GARNL3: variants seen among roughly 807,000 people sequenced by gnomAD.
The protein encoded by GARNL3 is GTPase activating Rap/RanGAP domain like 3, also known as GTPase-activating Rap/Ran-GAP domain-like protein 3.
In GARNL3, 63 loss-of-function variants were observed where a neutral mutation model predicts 125.0. The ratio of observed to expected loss-of-function variants is 0.50; its 90% confidence interval spans 0.41 to 0.62. The LOEUF (loss-of-function observed/expected upper bound fraction) is 0.62. GARNL3 is among the 20% of genes least tolerant of loss of function. GARNL3 has a pLI of 0.00. For synonymous variants in GARNL3, 439 were observed against 457.5 expected (o/e 0.96, Z 0.52); for missense variants, 994 against 1,244.0 (o/e 0.80, Z 3.02).
chr9:127,275,996 T>C (rs1271857914), intron 1 of GARNL3, among the ~76,000 whole-genome samples: 1 of 152,214 alleles, frequency 6.6e-6, no homozygotes, highest in African/African-American at 2.4e-5. Flanking sequence ...TTGCTCCTTG[T>C]AATGGTTCCA....
intron 19 of GARNL3, among the ~76,000 whole-genome samples, chr9:127,355,042 C>A (rs1305638806): frequency 6.6e-6 from 1 of 152,252 alleles, no homozygotes; most frequent in African/African-American, 2.4e-5. Flanking sequence ...ATTCGCCCGC[C>A]TCGGCCTCTC....
intron 26 of GARNL3, 127 bp from the exon 27 acceptor site, chr9:127,390,514 C>A: frequency 1.2e-6 from 1 of 826,506 alleles, no homozygotes; most frequent in African/African-American, 1.7e-5. Flanking sequence ...AATATATATT[C>A]TATCATCTTT....
chr9:127,250,814 T>G (rs549268453), intron 2 of GARNL3, among the ~76,000 whole-genome samples: 139 of 152,236 alleles, frequency 9.1e-4, no homozygotes, highest in Non-Finnish European at 1.0e-3. Context: ...TATTGCTGCT[T>G]CTTGTGCCCT....
rs368170684 is a variant in GARNL3, at chr9:127,227,917, C to T, written c.-29+3579C>T. On this transcript the variant is annotated intron_variant, in intron 1 of 10. Transcript: ENST00000439286. ...CCTGGGCAACAGAGCAAGACCCTAT[C>T]TCAATAAAATAAAACAAAACTAATT... Among the ~76,000 whole-genome samples, 7 of 152,234 alleles carry T rather than the reference C, an allele frequency of 4.6e-5. No individual in the cohort carries two copies. In the South Asian group the frequency reaches 1.0e-3, roughly 23 times the overall value.
intron 7 of GARNL3, among the ~76,000 whole-genome samples, chr9:127,327,255 T>A (rs981770250): frequency 2.0e-5 from 3 of 152,186 alleles, no homozygotes; most frequent in Admixed American, 6.6e-5. Context: ...TCACGGAGCT[T>A]ACAGTCTGGT....
At chr9:127,349,976 G>A (rs917646662) in intron 17 of GARNL3, among the ~76,000 whole-genome samples, 5 of 152,144 alleles carry the variant, frequency 3.3e-5, no homozygotes, top group Non-Finnish European at 5.9e-5. Flanking sequence ...GACGCTTACT[G>A]GGCACATTTA....
At chr9:127,388,803 C>T (rs942802333) in intron 25 of GARNL3, 101 bp from the exon 26 acceptor site, 50 of 754,872 alleles carry the variant, frequency 6.6e-5, no homozygotes, top group Admixed American at 1.0e-4. Context: ...TGTGACATAA[C>T]GTCTTCCTTC....
At chr9:127,276,130 CT>C (rs397756190) in intron 1 of GARNL3, among the ~76,000 whole-genome samples, 3,686 of 143,886 alleles carry the variant, frequency 0.026, 99 homozygotes, top group African/African-American at 0.076. Context: ...TCAACTCTGC[CT>C]TTTTTTTTTT....
Position 127,242,529 on chromosome 9 carries a change from TATTA to T in GARNL3, c.-28-546_-28-543del, listed in dbSNP as rs1460289327. Among the ~76,000 whole-genome samples the T allele has an allele frequency of 1.3e-5, 2 of 152,242 alleles. No homozygotes were observed. The highest frequency in any genetic ancestry group is 2.9e-5 in the Non-Finnish European group (2 of 68,034). ...AGTTTATTCCCATGAACAAGCCATT[TATTA>T]ATTCAGCAAGCATTTACTGCTTATA... On this transcript the variant is annotated intron_variant, in intron 1 of 10. Transcript: ENST00000439286. This position sits in a 1 kb window ranked among gnomAD's most constrained non-coding sequence, Gnocchi z 4.6.
At chr9:127,284,681 T>C (rs2064196726) in intron 1 of GARNL3, among the ~76,000 whole-genome samples, 1 of 152,032 alleles carries the variant, frequency 6.6e-6, no homozygotes. Context: ...TCATATGTAC[T>C]GTTCTTATTG....
exon 2 of GARNL3, chr9:127,243,189 G>A (rs1403355626): frequency 8.8e-6 from 12 of 1,366,412 alleles, no homozygotes; most frequent in African/African-American, 1.5e-5. Context: ...CTCTCCTTCG[G>A]CATCCAGCCC....
intron 1 of GARNL3, among the ~76,000 whole-genome samples, chr9:127,275,698 C>T (rs1234882641): frequency 2.0e-5 from 3 of 152,182 alleles, no homozygotes; most frequent in African/African-American, 7.2e-5. Flanking sequence ...GATTGGCTTA[C>T]CATAAATGGC....
At chr9:127,274,839 C>T (rs1259486854) in intron 1 of GARNL3, among the ~76,000 whole-genome samples, 2 of 152,200 alleles carry the variant, frequency 1.3e-5, no homozygotes, top group African/African-American at 4.8e-5. Context: ...TTGAGTACAG[C>T]AGTTTTCTAC....
chr9:127,290,136 A>G (rs2064370402), intron 1 of GARNL3, among the ~76,000 whole-genome samples: 1 of 152,228 alleles, frequency 6.6e-6, no homozygotes. Context: ...TATTATGAGA[A>G]TTAAACGAGA....
intron 6 of GARNL3, among the ~76,000 whole-genome samples, chr9:127,323,502 G>A (rs929872587): frequency 6.6e-5 from 10 of 152,200 alleles, no homozygotes; most frequent in Admixed American, 4.6e-4. Context: ...AGCCCACTGA[G>A]GAGCAGCCTC....
In GARNL3 at chr9:127,306,446, G is replaced by T. The variant is rs115487561; in HGVS notation, c.220-5190G>T. On this transcript the variant is annotated intron_variant, in intron 2 of 27. Coordinates refer to ENST00000373387, the MANE Select transcript of GARNL3 (RefSeq NM_032293.5). ...AAAAATACAAAATGCAGTCAAGTGTGGCCGGGCGCGGTGGCTCACGCCTGT... is the reference window on the plus strand; with the variant it reads ...AAAAATACAAAATGCAGTCAAGTGTTGCCGGGCGCGGTGGCTCACGCCTGT... Among the ~76,000 whole-genome samples, 432 of 152,296 alleles carry T rather than the reference G, an allele frequency of 2.8e-3. 4 individuals carry two copies. Among genetic ancestry groups the T allele is most frequent in the African/African-American group, 1.0e-2 (414 of 41,580 alleles).
chr9:127,314,541 T>C (rs985645488), intron 4 of GARNL3, among the ~76,000 whole-genome samples: 2 of 140,546 alleles, frequency 1.4e-5, no homozygotes, highest in African/African-American at 5.2e-5. Context: ...CCTCCCTCCC[T>C]CCCCCTCCTT....
chr9:127,261,023 A>G (rs747994153), upstream of GARNL3, among the ~76,000 whole-genome samples: 8 of 152,170 alleles, frequency 5.3e-5, no homozygotes, highest in Non-Finnish European at 1.2e-4. Flanking sequence ...TGGGAGGTTG[A>G]GGCAGGCAGA....
rs1564835233 is a variant in GARNL3 at position 127,231,041 on chromosome 9, TA to T, written c.-29+6704del. On this transcript the variant is annotated intron_variant, in intron 1 of 10. Coordinates refer to the GARNL3 transcript ENST00000439286. The stretch of plus-strand genomic sequence containing the variant: ...ATACATATATGTATATATACATATA[TA>T]TATATATATTTTTTTTTTTTTTTTT... Among the ~76,000 whole-genome samples, 11 of 47,288 alleles carry T rather than the reference TA, an allele frequency of 2.3e-4. No individual in the cohort carries two copies. The South Asian group carries it at 4.1e-3, about 18-fold the overall frequency. 31.0% of individuals were successfully genotyped at this position (47,288 alleles called of 152,430 possible).
Sources: allele counts gnomAD v4.1 joint callset (sites outside exome capture counted in the v4.1 genomes callset), GRCh38; gene constraint gnomAD v4.1.1; non-coding constraint Gnocchi (gnomAD v3.1); transcripts MANE v1.5; gene names NCBI Gene and HGNC (gene_info 2026-07-23, HGNC 2026-07-21).